Variants in WNK2 observed in about 807,000 individuals in gnomAD.
WNK2 encodes the protein WNK lysine deficient protein kinase 2.
Under a neutral mutation model 192.1 loss-of-function variants are expected in WNK2, and 67 were observed. That is an observed-to-expected ratio of 0.35 (90% CI 0.29 to 0.43). The LOEUF is 0.43. Among genes scored for constraint, WNK2 ranks in the 20% least tolerant of loss-of-function variants. The pLI is 1.00. For synonymous variants in WNK2, 1,439 were observed against 1,393.9 expected (o/e 1.03, Z -0.72); for missense variants, 2,698 against 3,089.7 (o/e 0.87, Z 3.01).
intron 5 of WNK2, among the ~76,000 whole-genome samples, chr9:93,236,967 A>G (rs1839919889): frequency 6.6e-6 from 1 of 152,258 alleles, no homozygotes; most frequent in Non-Finnish European, 1.5e-5. Flanking sequence ...TGACTGCTGC[A>G]TTTGAGGTGT....
intron 3 of WNK2, among the ~76,000 whole-genome samples, chr9:93,230,121 C>A (rs116775494): frequency 0.027 from 4,150 of 152,212 alleles, 193 homozygotes; most frequent in African/African-American, 0.095. Context: ...GGCACATACT[C>A]AGGCTCAGGA....
intron 2 of WNK2, among the ~76,000 whole-genome samples, chr9:93,224,316 G>T (rs115204264): frequency 6.6e-6 from 1 of 152,198 alleles, no homozygotes; most frequent in Non-Finnish European, 1.5e-5. Context: ...ATCTCCAACC[G>T]TTGCCCACTG....
chr9:93,260,746 C>T (rs1442857213), intron 12 of WNK2, among the ~76,000 whole-genome samples: 1 of 152,208 alleles, frequency 6.6e-6, no homozygotes, highest in Non-Finnish European at 1.5e-5. Flanking sequence ...TGGGAAGAAT[C>T]GCATCCGTCC....
chr9:93,211,345 T>TTCAC (rs796752459), intron 2 of WNK2, among the ~76,000 whole-genome samples: 4,836 of 144,272 alleles, frequency 0.034, 263 homozygotes, highest in African/African-American at 0.12. Flanking sequence ...GGTCTACTCA[T>TTCAC]TCACTCATCT....
intron 2 of WNK2, among the ~76,000 whole-genome samples, chr9:93,195,816 C>T (rs1831185796): frequency 6.7e-6 from 1 of 149,238 alleles, no homozygotes; most frequent in Admixed American, 6.7e-5. Flanking sequence ...CTTGTTTGCA[C>T]ATGTATAGCA....
intron 2 of WNK2, among the ~76,000 whole-genome samples, chr9:93,191,159 C>T (rs1186677950): frequency 6.6e-6 from 1 of 152,058 alleles, no homozygotes; most frequent in Non-Finnish European, 1.5e-5. Context: ...GGGAAGATCT[C>T]GTGGGCCCTG....
At chr9:93,226,603 C>T (rs899125424) in intron 2 of WNK2, among the ~76,000 whole-genome samples, 1 of 152,206 alleles carries the variant, frequency 6.6e-6, no homozygotes, top group African/African-American at 2.4e-5. Flanking sequence ...CCATCACCCT[C>T]CACCCCAAGA....
chr9:93,231,154 TGGGCAGCA>T (rs772292707), intron 4 of WNK2, 46 bp downstream of exon 4: 1 of 1,568,406 alleles, frequency 6.4e-7, no homozygotes, highest in South Asian at 1.1e-5. Context: ...CATGAGAAGC[TGGGCAGCA>T]GTGAGTGCTG....
intron 28 of WNK2, among the ~76,000 whole-genome samples, chr9:93,310,658 C>T (rs1472815221): frequency 6.6e-6 from 1 of 152,108 alleles, no homozygotes; most frequent in Admixed American, 6.5e-5. Flanking sequence ...CCCTGGTAGC[C>T]TCTATCCTTC....
intron 8 of WNK2, among the ~76,000 whole-genome samples, chr9:93,251,412 C>T (rs1347798566): frequency 9.2e-5 from 14 of 152,066 alleles, no homozygotes; most frequent in East Asian, 3.9e-4. Flanking sequence ...CCACCATGCC[C>T]GGCACATATT....
chr9:93,298,187 TC>T lies in WNK2; in HGVS notation c.5923+122del, dbSNP rs1286010206. ...ACCTGGAAGACCACTCGGGGTTATC[TC>T]CTTACTGAATCTCCTTTCCCTGGAG... On this transcript the variant is annotated intron_variant, in intron 24 of 29. Coordinates refer to ENST00000427277, the MANE Select transcript of WNK2 (RefSeq NM_006648.4). The T allele has an allele frequency of 4.2e-5, 46 of 1,085,630 alleles. No homozygotes were observed. In the Admixed American group the frequency reaches 9.8e-4, roughly 23 times the overall value. The allele number at this position is 1,085,630 out of a possible 1,614,324, so 67.2% of individuals were successfully genotyped here.
At chr9:93,313,090 C>G (rs1372924183) in intron 28 of WNK2, among the ~76,000 whole-genome samples, 1 of 152,206 alleles carries the variant, frequency 6.6e-6, no homozygotes, top group Non-Finnish European at 1.5e-5. Context: ...TTGTGTTCCT[C>G]TGTGATTTTC....
chr9:93,203,585 A>G (rs561441600), intron 2 of WNK2, among the ~76,000 whole-genome samples: 1 of 152,238 alleles, frequency 6.6e-6, no homozygotes. Context: ...GTGCCACTGC[A>G]CTCGGCAGAG....
chr9:93,302,276 G>A (rs1440567074), intron 26 of WNK2, among the ~76,000 whole-genome samples: 1 of 152,192 alleles, frequency 6.6e-6, no homozygotes, highest in Non-Finnish European at 1.5e-5. Context: ...CGCCAGGCTT[G>A]GAGGCCAGGA....
chr9:93,308,549 C>T lies in WNK2; in HGVS notation c.6481C>T (p.Gln2161Ter). The T allele has an allele frequency of 6.2e-7, 1 of 1,600,422 alleles. No homozygotes were observed. Among genetic ancestry groups the T allele is most frequent in the Non-Finnish European group, 8.5e-7 (1 of 1,174,378 alleles). Residue 2161 changes from glutamine (Q) to a stop codon, truncating the protein, a stop_gained, in exon 28 of 30, where the codon CAG becomes TAG. Transcript: ENST00000427277. LOFTEE classifies it high-confidence loss of function. ...CCAGAAGCTGCAAGACATGGAGGCC[C>T]AGGCAGGCTGGGCTGCCCCTGGCGA... ...QTQKLQDMEAQAGWAAPGEAR... is the reference protein window; with the variant it reads ...QTQKLQDMEA
At chr9:93,243,972 C>A (rs1326674490) in intron 7 of WNK2, among the ~76,000 whole-genome samples, 1 of 152,240 alleles carries the variant, frequency 6.6e-6, no homozygotes, top group Non-Finnish European at 1.5e-5. Flanking sequence ...TCACTCATGC[C>A]TGTCATCCCA....
intron 2 of WNK2, among the ~76,000 whole-genome samples, chr9:93,191,438 T>A (rs28496611): frequency 6.6e-6 from 1 of 151,978 alleles, no homozygotes; most frequent in African/African-American, 2.4e-5. Flanking sequence ...GTCACCGCCC[T>A]GGGAGACAGA....
Position 93,253,012 on chromosome 9 carries a change from C to A in WNK2, c.1964C>A (p.Pro655His). ...CCGGCCCAGTGTGTGTGCAGCCCCC[C>A]TGTGAGCGAGGGGCCCGTCCTGCCG... ...PSPAQCVCSPPVSEGPVLPQS... is the reference protein window; with the variant it reads ...PSPAQCVCSPHVSEGPVLPQS... Residue 655 changes from proline to histidine, a missense_variant, in exon 9 of 30, where the codon CCT becomes CAT. By Grantham distance (77) the Pro-to-His change is moderately conservative (BLOSUM62 -2). Transcript: ENST00000427277. 1 of 1,556,396 alleles carries A rather than the reference C, an allele frequency of 6.4e-7. No individual in the cohort carries two copies. Among genetic ancestry groups the A allele is most frequent in the South Asian group, 1.2e-5 (1 of 84,086 alleles).
Position 93,252,947 on chromosome 9 carries a change from G to T in WNK2, c.1899G>T (p.Gln633His). The T allele has an allele frequency of 6.3e-7, 1 of 1,578,962 alleles. No individual in the cohort carries two copies. The highest frequency in any genetic ancestry group is 8.6e-7 in the Non-Finnish European group (1 of 1,163,570). The change falls in exon 9 of 30, where the codon CAG (glutamine) becomes CAT (histidine). Residue 633 changes from glutamine to histidine, a missense_variant. Physicochemically the swap from Gln to His is conservative, Grantham distance 24 (BLOSUM62 0). Coordinates refer to ENST00000427277, the MANE Select transcript of WNK2 (RefSeq NM_006648.4). ...ACTCAGACTCGCAGAGCAGCCAGCA[G>T]AGCGTGATGCTTGGCTCCCTTGCCG... Reference protein sequence around the residue: ...TVYSDSQSSQQSVMLGSLADA... With the variant: ...TVYSDSQSSQHSVMLGSLADA...
Sources: allele counts gnomAD v4.1 joint callset (sites outside exome capture counted in the v4.1 genomes callset), GRCh38; gene constraint gnomAD v4.1.1; transcripts MANE v1.5; gene names NCBI Gene and HGNC (gene_info 2026-07-23, HGNC 2026-07-21).